Variants in LIPI observed in about 807,000 individuals in gnomAD.
The protein encoded by LIPI is lipase I, also known as lipase member I.
Under a neutral mutation model 50.6 loss-of-function variants are expected in LIPI, and 59 were observed. The ratio of observed to expected loss-of-function variants is 1.16; its 90% CI spans 0.94 to 1.45. LIPI has a LOEUF of 1.45. Among genes scored for constraint, LIPI ranks in the 40% most tolerant of loss-of-function variants. The pLI, the probability that LIPI is intolerant of heterozygous loss-of-function variation, is 0.00. For synonymous variants in LIPI, 203 were observed against 178.2 expected (o/e 1.14, Z -1.11); for missense variants, 586 against 536.3 (o/e 1.09, Z -0.92).
rs184654292 is a variant in LIPI, at chr21:14,157,623, A to C, written c.1007-4939T>G. Among the ~76,000 whole-genome samples, 182 of 152,046 alleles carry C rather than the reference A, an allele frequency of 1.2e-3. 1 individual carries two copies. Among genetic ancestry groups the C allele is most frequent in the African/African-American group, 4.2e-3 (176 of 41,546 alleles). ...GGAAAACGTCTACAAACAAGAAACA[A>C]GATGAAAAAACTACTCAGATGCAAA... On this transcript the variant is annotated intron_variant, in intron 7 of 9. Coordinates refer to ENST00000681601, the MANE Select transcript of LIPI (RefSeq NM_001302998.2).
chr21:14,121,863 C>T (rs2016875050), intron 9 of LIPI, among the ~76,000 whole-genome samples: 2 of 152,178 alleles, frequency 1.3e-5, no homozygotes, highest in South Asian at 2.1e-4. Context: ...CTGCCCCAAC[C>T]ACACCAGAGG....
At chr21:14,130,424 C>T (rs933270018) in intron 9 of LIPI, among the ~76,000 whole-genome samples, 2 of 152,132 alleles carry the variant, frequency 1.3e-5, no homozygotes, top group African/African-American at 2.4e-5. Context: ...GTTGACATTG[C>T]TACCACCACC....
chr21:14,111,179 A>G (rs1312379667), intron 9 of LIPI, among the ~76,000 whole-genome samples: 1 of 151,800 alleles, frequency 6.6e-6, no homozygotes, highest in Admixed American at 6.6e-5. Flanking sequence ...TTTCCTAACA[A>G]CTTTTCTAAT....
At chr21:14,156,603 T>G (rs756846818) in intron 7 of LIPI, among the ~76,000 whole-genome samples, 2 of 151,874 alleles carry the variant, frequency 1.3e-5, no homozygotes, top group Non-Finnish European at 2.9e-5. Flanking sequence ...GCCACCAAAT[T>G]TGTGGTAATT....
At chr21:14,193,005 A>G (rs1379951020) in intron 1 of LIPI, among the ~76,000 whole-genome samples, 1 of 152,238 alleles carries the variant, frequency 6.6e-6, no homozygotes, top group Non-Finnish European at 1.5e-5. Flanking sequence ...TATTTTCTAC[A>G]GGACTTAAAA....
At chr21:14,163,632 A>C in intron 6 of LIPI, 109 bp from the exon 7 acceptor site, 1 of 680,658 alleles carries the variant, frequency 1.5e-6, no homozygotes, top group East Asian at 2.6e-5. Flanking sequence ...CATAATGATC[A>C]TCATGGATTT....
chr21:14,114,961 A>C (rs930026305), intron 9 of LIPI, among the ~76,000 whole-genome samples: 17 of 152,248 alleles, frequency 1.1e-4, no homozygotes, highest in Non-Finnish European at 1.9e-4. Context: ...AGAAGATGGC[A>C]AAACAACATC....
chr21:14,124,423 C>A (rs2016977804), intron 9 of LIPI, among the ~76,000 whole-genome samples: 1 of 152,142 alleles, frequency 6.6e-6, no homozygotes, highest in Admixed American at 6.5e-5. Context: ...CCCGACCCCG[C>A]CCCGGTAGAA....
intron 5 of LIPI, among the ~76,000 whole-genome samples, 155 bp downstream of exon 5, chr21:14,166,207 T>A (rs1008087021): frequency 1.3e-5 from 2 of 152,178 alleles, no homozygotes; most frequent in Non-Finnish European, 2.9e-5. Flanking sequence ...CTAAGCATGG[T>A]CAAATTAAAC....
At chr21:14,153,280 G>A (rs1568852807) in intron 7 of LIPI, among the ~76,000 whole-genome samples, 1 of 152,154 alleles carries the variant, frequency 6.6e-6, no homozygotes, top group Non-Finnish European at 1.5e-5. Context: ...TTGACTACAG[G>A]AGTTATCCCA....
rs567387831 is a variant in LIPI, at chr21:14,203,988, A to G, written c.46+6812T>C. On this transcript the variant is annotated intron_variant, in intron 1 of 9. Coordinates refer to ENST00000681601, the MANE Select transcript of LIPI (RefSeq NM_001302998.2). The stretch of plus-strand genomic sequence containing the variant: ...ATCCTTAGCAAATTAACACAGAAAC[A>G]GAAAACCAAATGCCACATGTTCTCA... Among the ~76,000 whole-genome samples, 68 of 152,170 alleles carry G rather than the reference A, an allele frequency of 4.5e-4. 1 individual carries two copies. The highest frequency in any genetic ancestry group is 1.6e-3 in the African/African-American group (66 of 41,532).
At chr21:14,181,910 T>C (rs186475734) in intron 3 of LIPI, 51 bp from the exon 4 acceptor site, 28 of 900,568 alleles carry the variant, frequency 3.1e-5, no homozygotes, top group Non-Finnish European at 4.8e-5. Flanking sequence ...CAGAGCTCCT[T>C]ACATTGCATA....
intron 3 of LIPI, 48 bp from the exon 4 acceptor site, chr21:14,181,907 C>CATA: frequency 1.0e-6 from 1 of 956,814 alleles, no homozygotes; most frequent in South Asian, 1.3e-5. Context: ...CCACAGAGCT[C>CATA]CTTACATTGC....
intron 7 of LIPI, among the ~76,000 whole-genome samples, chr21:14,159,256 A>G (rs1035425730): frequency 6.6e-6 from 1 of 151,496 alleles, no homozygotes; most frequent in East Asian, 1.9e-4. Flanking sequence ...ATTCTCAACA[A>G]AATATTAACG....
chr21:14,166,327 AT>A lies in LIPI; in HGVS notation c.733+34del, dbSNP rs1302628563. 4 of 1,107,168 alleles carry A rather than the reference AT, an allele frequency of 3.6e-6. No homozygotes were observed. In the East Asian group the frequency reaches 9.4e-5, roughly 26 times the overall value. The allele number at this position is 1,107,168 out of a possible 1,614,324, so 68.6% of individuals were successfully genotyped here. A position where few individuals can be genotyped will look rare whatever the true frequency, so the allele number is the denominator to read the frequency against. On this transcript the variant is annotated intron_variant, in intron 5 of 9. Transcript: ENST00000681601. ...GTTATTTTCTTTCATCATTTCGAAT[AT>A]TATGTAGTTCATTCAAAAATACTGT...
intron 9 of LIPI, among the ~76,000 whole-genome samples, chr21:14,142,037 G>A (rs1370728413): frequency 1.3e-5 from 2 of 152,012 alleles, no homozygotes; most frequent in Non-Finnish European, 2.9e-5. Context: ...GGCAACAAGG[G>A]GACAACAACC....
chr21:14,208,911 C>G (rs1402651177), intron 1 of LIPI, among the ~76,000 whole-genome samples: 2 of 152,024 alleles, frequency 1.3e-5, no homozygotes, highest in Non-Finnish European at 2.9e-5. Flanking sequence ...ATTAGCCAGG[C>G]GTGGTGGTGT....
chr21:14,177,019 T>TA (rs1341735647), intron 4 of LIPI, among the ~76,000 whole-genome samples: 1 of 152,106 alleles, frequency 6.6e-6, no homozygotes, highest in Non-Finnish European at 1.5e-5. Context: ...TCAGGTGTAA[T>TA]GTTCTATAAA....
At chr21:14,154,215 A>G (rs2018197634) in intron 7 of LIPI, among the ~76,000 whole-genome samples, 1 of 152,134 alleles carries the variant, frequency 6.6e-6, no homozygotes, top group Admixed American at 6.6e-5. Flanking sequence ...ATGATAGATT[A>G]TCTTCACAGA....
Sources: gnomAD v4.1 joint callset for allele counts (sites outside exome capture counted in the v4.1 genomes callset) on GRCh38, gnomAD v4.1.1 for gene constraint, MANE v1.5 for transcripts, NCBI Gene and HGNC (gene_info 2026-07-23, HGNC 2026-07-21) for gene names.